Variants in ZNF367 observed in about 807,000 individuals in gnomAD.
ZNF367 encodes zinc finger protein 367.
A neutral mutation model predicts 31.8 loss-of-function variants in ZNF367; 11 were observed. That is an observed-to-expected ratio of 0.35 (90% CI 0.22 to 0.57). The LOEUF (loss-of-function observed/expected upper bound fraction) is 0.57. ZNF367 is among the 20% of genes least tolerant of loss of function. The pLI, the probability that ZNF367 is intolerant of heterozygous loss-of-function variation, is 0.85. For synonymous variants in ZNF367, 199 were observed against 202.4 expected, an observed-to-expected ratio of 0.98 and a Z score of 0.14; for missense variants, 353 against 484.1, an observed-to-expected ratio of 0.73 and a Z score of 2.54.
intron 1 of ZNF367, among the ~76,000 whole-genome samples, chr9:96,412,060 AAATG>A (rs1831757829): frequency 6.6e-6 from 1 of 152,226 alleles, no homozygotes; most frequent in African/African-American, 2.4e-5. Context: ...TGCCCTAAAT[AAATG>A]AATAAAGACC....
chr9:96,414,084 ACT>A (rs1424749193), intron 1 of ZNF367, among the ~76,000 whole-genome samples: 1 of 152,136 alleles, frequency 6.6e-6, no homozygotes, highest in Non-Finnish European at 1.5e-5. Flanking sequence ...ACAGGCTGGG[ACT>A]CTCTATCTTT....
At chr9:96,399,049 G>A (rs1407290339) in intron 1 of ZNF367, among the ~76,000 whole-genome samples, 1 of 152,152 alleles carries the variant, frequency 6.6e-6, no homozygotes, top group Admixed American at 6.5e-5. Flanking sequence ...AACAGCCTGA[G>A]AGGAAAAGCT....
chr9:96,388,579 TAA>T, intron 4 of ZNF367, 120 bp from the exon 5 acceptor site: 1 of 913,624 alleles, frequency 1.1e-6, no homozygotes, highest in Non-Finnish European at 1.6e-6. Context: ...TATAAAGTTA[TAA>T]AGTGATTTAA....
chr9:96,398,262 T>C lies in ZNF367; in HGVS notation c.473A>G (p.Asn158Ser). Residue 158 changes from asparagine to serine, a missense_variant, in exon 2 of 5, where the codon AAT (asparagine) becomes AGT (serine). By Grantham distance (46) the Asn-to-Ser change is conservative. This residue lies in a region of ZNF367 where 57 missense variants were observed against 141.9 expected (regional missense o/e 0.40). Coordinates refer to ENST00000375256, the MANE Select transcript of ZNF367 (RefSeq NM_153695.4). ...TCTGCTGGATGAATGCTCTCCTTCA[T>C]TTATTAAATCGCGGACAGTATCTGC... Reference protein sequence around the residue: ...PRADTVRDLINEGEHSSSRIR... With the variant: ...PRADTVRDLISEGEHSSSRIR... The C allele has an allele frequency of 1.2e-6, 2 of 1,613,894 alleles. No individual in the cohort carries two copies. The highest frequency in any genetic ancestry group is 1.7e-6 in the Non-Finnish European group (2 of 1,179,868).
intron 1 of ZNF367, among the ~76,000 whole-genome samples, chr9:96,407,039 G>T (rs1478170817): frequency 6.6e-6 from 1 of 150,584 alleles, no homozygotes; most frequent in Non-Finnish European, 1.5e-5. Flanking sequence ...GAACGTGGGG[G>T]TCAGGCACAA....
intron 1 of ZNF367, among the ~76,000 whole-genome samples, chr9:96,409,065 T>TAA (rs150366354): frequency 6.6e-6 from 1 of 151,798 alleles, no homozygotes; most frequent in East Asian, 1.9e-4. Context: ...ATCTGACTGT[T>TAA]AAAAAAAGCC....
At chr9:96,392,839 CT>C (rs1831487696) in intron 3 of ZNF367, among the ~76,000 whole-genome samples, 1 of 152,174 alleles carries the variant, frequency 6.6e-6, no homozygotes, top group Non-Finnish European at 1.5e-5. Context: ...AATCCCAGCA[CT>C]TTGGGAGGCC....
At chr9:96,408,230 T>C (rs140363654) in intron 1 of ZNF367, among the ~76,000 whole-genome samples, 1,697 of 152,152 alleles carry the variant, frequency 0.011, 57 homozygotes, top group Admixed American at 0.085. Flanking sequence ...AAATAATAAA[T>C]ATTTTTTAAA....
At chr9:96,406,248 T>C (rs1205197816) in intron 1 of ZNF367, among the ~76,000 whole-genome samples, 1 of 152,218 alleles carries the variant, frequency 6.6e-6, no homozygotes, top group Non-Finnish European at 1.5e-5. Flanking sequence ...AAAATGAAGA[T>C]GCTTTTAGGG....
intron 2 of ZNF367, among the ~76,000 whole-genome samples, chr9:96,396,486 A>G (rs1404118103): frequency 2.0e-5 from 3 of 152,104 alleles, no homozygotes; most frequent in Admixed American, 6.6e-5. Flanking sequence ...ATTTAAATAT[A>G]TATTTTCAAA....
chr9:96,395,397 A>C (rs971219627), intron 2 of ZNF367, among the ~76,000 whole-genome samples: 2 of 152,110 alleles, frequency 1.3e-5, no homozygotes, highest in African/African-American at 4.8e-5. Context: ...TGTCATACCA[A>C]CTAGCTCCTG....
intron 4 of ZNF367, among the ~76,000 whole-genome samples, chr9:96,389,503 G>T (rs1322008304): frequency 6.6e-6 from 1 of 151,746 alleles, no homozygotes; most frequent in Admixed American, 6.6e-5. Context: ...GTGTTGTATG[G>T]GGGGAAGGGG....
In ZNF367 at chr9:96,398,157, A is replaced by G. The variant is rs1831558184; in HGVS notation, c.571+7T>C. The G allele has an allele frequency of 1.9e-6, 3 of 1,555,804 alleles. No individual in the cohort carries two copies. Among genetic ancestry groups the G allele is most frequent in the Middle Eastern group, 1.7e-4 (1 of 5,740 alleles). On this transcript the variant is annotated splice_region_variant and intron_variant, in intron 2 of 4. Coordinates refer to ENST00000375256, the MANE Select transcript of ZNF367 (RefSeq NM_153695.4). ...CTGGCAGTCTCTATAAAATTTGCTCAACTTACCTGTATGAGTCCTTTTGTG... is the reference window on the plus strand; with the variant it reads ...CTGGCAGTCTCTATAAAATTTGCTCGACTTACCTGTATGAGTCCTTTTGTG...
At chr9:96,396,503 A>G (rs1247302327) in intron 2 of ZNF367, among the ~76,000 whole-genome samples, 1 of 152,076 alleles carries the variant, frequency 6.6e-6, no homozygotes, top group Non-Finnish European at 1.5e-5. Flanking sequence ...CAAAAACCAC[A>G]AGTTAAAAAA....
chr9:96,400,337 G>C (rs1831585204), intron 1 of ZNF367, among the ~76,000 whole-genome samples: 1 of 141,880 alleles, frequency 7.0e-6, no homozygotes. Flanking sequence ...AGGCTGCAGT[G>C]AGCCATGATT....
intron 2 of ZNF367, among the ~76,000 whole-genome samples, chr9:96,396,722 G>A (rs1055549011): frequency 6.6e-6 from 1 of 151,540 alleles, no homozygotes; most frequent in Non-Finnish European, 1.5e-5. Flanking sequence ...AGGCTGGAGT[G>A]CAATGTCACA....
chr9:96,405,900 T>A (rs1831666221), intron 1 of ZNF367, among the ~76,000 whole-genome samples: 1 of 152,236 alleles, frequency 6.6e-6, no homozygotes, highest in African/African-American at 2.4e-5. Context: ...CACTAGATTG[T>A]ACACTTTAAA....
intron 1 of ZNF367, among the ~76,000 whole-genome samples, chr9:96,401,991 C>G (rs1185142464): frequency 1.3e-5 from 2 of 151,354 alleles, no homozygotes; most frequent in African/African-American, 4.9e-5. Flanking sequence ...AGAGCAAGAC[C>G]CTATCTCTTA....
intron 1 of ZNF367, among the ~76,000 whole-genome samples, chr9:96,405,017 T>C (rs898909673): frequency 2.0e-5 from 3 of 151,906 alleles, no homozygotes; most frequent in Non-Finnish European, 4.4e-5. Context: ...GGCCAGCAAA[T>C]ACATAAAAAG....
Sources: gnomAD v4.1 joint callset for allele counts (sites outside exome capture counted in the v4.1 genomes callset) on GRCh38, gnomAD v4.1.1 for gene constraint, gnomAD v4.1.1 regional missense constraint, MANE v1.5 for transcripts, NCBI Gene and HGNC (gene_info 2026-07-23, HGNC 2026-07-21) for gene names.